Variants in SLC35F4 observed in about 807,000 individuals in gnomAD.
SLC35F4 encodes solute carrier family 35 member F4.
SLC35F4 carries 24 observed loss-of-function variants against 44.2 expected under a neutral mutation model. The ratio of observed to expected loss-of-function variants is 0.54; its 90% CI spans 0.39 to 0.76. SLC35F4 has a LOEUF of 0.76. Ranked by LOEUF, SLC35F4 falls within the 30% of genes least tolerant of loss-of-function variation. SLC35F4 has a pLI of 0.00. For synonymous variants in SLC35F4, 238 were observed against 223.6 expected (o/e 1.06, Z -0.57); for missense variants, 562 against 586.1 (o/e 0.96, Z 0.42).
intron 1 of SLC35F4, among the ~76,000 whole-genome samples, chr14:57,937,983 C>T (rs1488736217): frequency 6.6e-6 from 1 of 152,130 alleles, no homozygotes; most frequent in Non-Finnish European, 1.5e-5. Flanking sequence ...AATACTCTCC[C>T]CTCTGTCTCC....
chr14:57,983,045 T>C (rs768340589), upstream of SLC35F4, among the ~76,000 whole-genome samples: 32 of 152,346 alleles, frequency 2.1e-4, no homozygotes, highest in Non-Finnish European at 1.5e-4. Context: ...CAGGCTCTGC[T>C]ATTGTTACCA....
At chr14:57,794,657 C>T (rs1396991580) in intron 1 of SLC35F4, among the ~76,000 whole-genome samples, 1 of 152,010 alleles carries the variant, frequency 6.6e-6, no homozygotes, top group African/African-American at 2.4e-5. Flanking sequence ...CATTTTAATT[C>T]ATGCTTTGGG....
intron 1 of SLC35F4, among the ~76,000 whole-genome samples, chr14:57,689,402 A>C (rs1328768362): frequency 6.6e-6 from 1 of 152,144 alleles, no homozygotes. Flanking sequence ...TCGCCCAAGA[A>C]AGAGCCATCT....
At chr14:57,745,067 T>TATAC (rs2076719429) in intron 1 of SLC35F4, among the ~76,000 whole-genome samples, 1 of 152,194 alleles carries the variant, frequency 6.6e-6, no homozygotes, top group Non-Finnish European at 1.5e-5. Flanking sequence ...CCTTACACCT[T>TATAC]ATACAAAAAT....
intron 1 of SLC35F4, among the ~76,000 whole-genome samples, chr14:57,754,096 T>C (rs2076944413): frequency 1.3e-5 from 2 of 148,614 alleles, no homozygotes; most frequent in South Asian, 2.1e-4. Context: ...ACTAACCCAA[T>C]GCTTTTTTTT....
intron 1 of SLC35F4, among the ~76,000 whole-genome samples, chr14:57,978,910 G>A (rs1047045309): frequency 1.3e-5 from 2 of 152,184 alleles, no homozygotes; most frequent in Non-Finnish European, 2.9e-5. Context: ...TGTATTGGTG[G>A]AAGTGAGTAG....
chr14:57,714,803 C>A (rs1270974816), intron 1 of SLC35F4, among the ~76,000 whole-genome samples: 1 of 133,222 alleles, frequency 7.5e-6, no homozygotes, highest in Non-Finnish European at 1.6e-5. Context: ...GGTATAAGCC[C>A]AGAAGAGGAC....
chr14:57,828,301 T>A (rs1368653296), intron 1 of SLC35F4, among the ~76,000 whole-genome samples: 1 of 152,100 alleles, frequency 6.6e-6, no homozygotes. Flanking sequence ...ATGATGAAAA[T>A]GTTCTCTCAG....
chr14:57,873,294 C>T (rs761981), intron 1 of SLC35F4, among the ~76,000 whole-genome samples: 122,697 of 152,076 alleles, frequency 0.81, 50,245 homozygotes, highest in East Asian at 0.99. Flanking sequence ...CTCTTCTGAA[C>T]GCCAAGGGGG....
chr14:57,850,050 G>T (rs1886422880), intron 1 of SLC35F4, among the ~76,000 whole-genome samples: 1 of 152,144 alleles, frequency 6.6e-6, no homozygotes, highest in African/African-American at 2.4e-5. Flanking sequence ...AAATATTGAA[G>T]ATACCAGCCA....
chr14:57,623,588 G>A (rs1324229409), intron 1 of SLC35F4, among the ~76,000 whole-genome samples: 5 of 151,976 alleles, frequency 3.3e-5, no homozygotes, highest in Admixed American at 6.6e-5. Flanking sequence ...CAAAAGAATG[G>A]AAATCATAAC....
At chr14:57,644,874 G>C (rs1444633059) in intron 1 of SLC35F4, among the ~76,000 whole-genome samples, 3 of 152,314 alleles carry the variant, frequency 2.0e-5, no homozygotes, top group Admixed American at 6.5e-5. Context: ...TTATTAAATA[G>C]GGAATCCTTT....
intron 1 of SLC35F4, among the ~76,000 whole-genome samples, chr14:57,778,138 C>A (rs2077535421): frequency 6.6e-6 from 1 of 152,178 alleles, no homozygotes; most frequent in Admixed American, 6.5e-5. Flanking sequence ...AATTTCTCTG[C>A]ATAAGCTCTC....
chr14:57,656,554 A>T (rs1015258648), intron 1 of SLC35F4, among the ~76,000 whole-genome samples: 16 of 152,074 alleles, frequency 1.1e-4, no homozygotes, highest in Admixed American at 1.3e-4. Context: ...CTCAGATTTT[A>T]GGTAGCATGG....
intron 1 of SLC35F4, among the ~76,000 whole-genome samples, chr14:57,863,301 T>C (rs766716342): frequency 6.6e-6 from 1 of 152,238 alleles, no homozygotes; most frequent in Non-Finnish European, 1.5e-5. Flanking sequence ...CATGTTTCTT[T>C]TTTTGCATCA....
chr14:57,914,577 A>T (rs1889280862), intron 1 of SLC35F4, among the ~76,000 whole-genome samples: 1 of 152,142 alleles, frequency 6.6e-6, no homozygotes, highest in South Asian at 2.1e-4. Flanking sequence ...AAAGAAAAAA[A>T]AAAACCACAG....
chr14:57,708,578 T>C (rs1363463878), intron 1 of SLC35F4, among the ~76,000 whole-genome samples: 4 of 152,210 alleles, frequency 2.6e-5, no homozygotes, highest in African/African-American at 7.2e-5. Flanking sequence ...GTGTTCTCAG[T>C]TGCAGATGAG....
At chr14:57,575,925 T>C (rs2068760493) in intron 4 of SLC35F4, among the ~76,000 whole-genome samples, 1 of 152,226 alleles carries the variant, frequency 6.6e-6, no homozygotes, top group Non-Finnish European at 1.5e-5. Context: ...TTCAAATAAT[T>C]AGTTTGTACA....
At chr14:57,723,537 C>T (rs1369707753) in intron 1 of SLC35F4, among the ~76,000 whole-genome samples, 1 of 152,214 alleles carries the variant, frequency 6.6e-6, no homozygotes, top group African/African-American at 2.4e-5. Flanking sequence ...CAAGTGGTGA[C>T]TCCAATTGCA....
Sources: gnomAD v4.1 joint callset for allele counts (sites outside exome capture counted in the v4.1 genomes callset) on GRCh38, gnomAD v4.1.1 for gene constraint, MANE v1.5 for transcripts, NCBI Gene and HGNC (gene_info 2026-07-23, HGNC 2026-07-21) for gene names.